The following GPC5 variants were observed in gnomAD, a reference collection of about 807,000 sequenced individuals.
The protein encoded by GPC5 is glypican 5.
In GPC5, 47 loss-of-function variants were observed where a neutral mutation model predicts 53.9. That is an observed-to-expected ratio of 0.87 (90% CI 0.69 to 1.11). The LOEUF is 1.11. Among genes scored for constraint, GPC5 ranks in the 50% most tolerant of loss-of-function variants. GPC5 has a pLI of 0.00. For synonymous variants in GPC5, 286 were observed against 263.3 expected (o/e 1.09, Z -0.84); for missense variants, 748 against 713.1 (o/e 1.05, Z -0.56).
chr13:92,109,571 A>G (rs542028758), intron 6 of GPC5, among the ~76,000 whole-genome samples: 1 of 152,326 alleles, frequency 6.6e-6, no homozygotes, highest in South Asian at 2.1e-4. Flanking sequence ...TCAACAAAAT[A>G]CCAGACTTAT....
chr13:91,647,644 T>C (rs2034594359), intron 2 of GPC5, among the ~76,000 whole-genome samples: 1 of 152,214 alleles, frequency 6.6e-6, no homozygotes, highest in Admixed American at 6.5e-5. Flanking sequence ...GGCTCCAGGC[T>C]GCCCTTACAG....
intron 7 of GPC5, among the ~76,000 whole-genome samples, chr13:92,246,575 A>G (rs2042652291): frequency 6.6e-6 from 1 of 152,020 alleles, no homozygotes; most frequent in African/African-American, 2.4e-5. Flanking sequence ...AGGTGGAAAA[A>G]CTCATCATCA....
chr13:92,597,752 C>T (rs941633342), intron 7 of GPC5, among the ~76,000 whole-genome samples: 11 of 152,214 alleles, frequency 7.2e-5, no homozygotes, highest in African/African-American at 2.7e-4. Context: ...GGAACCAAAA[C>T]TTAATAGGAT....
intron 6 of GPC5, among the ~76,000 whole-genome samples, chr13:92,100,548 G>T (rs2041457974): frequency 6.6e-6 from 1 of 152,158 alleles, no homozygotes; most frequent in Admixed American, 6.5e-5. Flanking sequence ...TATGTAGCAA[G>T]TTTCAGGATT....
intron 7 of GPC5, among the ~76,000 whole-genome samples, chr13:92,439,815 A>G (rs1488417610): frequency 6.6e-6 from 1 of 152,184 alleles, no homozygotes; most frequent in Non-Finnish European, 1.5e-5. Flanking sequence ...TGTAATAGTC[A>G]GCTAGAAGTT....
chr13:92,749,323 T>C (rs931786221), intron 7 of GPC5, among the ~76,000 whole-genome samples: 4 of 152,154 alleles, frequency 2.6e-5, no homozygotes, highest in Non-Finnish European at 5.9e-5. Context: ...CATTGCTAGG[T>C]ATTTTTAATA....
At chr13:92,046,683 A>T (rs1053036056) in intron 6 of GPC5, among the ~76,000 whole-genome samples, 1 of 152,214 alleles carries the variant, frequency 6.6e-6, no homozygotes, top group African/African-American at 2.4e-5. Context: ...ATATCTTATT[A>T]AAAAATCCTA....
rs552261055 is a variant in GPC5, at chr13:92,089,128, G to A, written c.1402-55702G>A. On this transcript the variant is annotated intron_variant, in intron 6 of 7. Transcript: ENST00000377067. Reference sequence around the variant, plus strand: ...AAATGTGTATTGGCTATTGTTCTCAGTTTGGCAAATAAAATTTAAAAATAG... The same window carrying A: ...AAATGTGTATTGGCTATTGTTCTCAATTTGGCAAATAAAATTTAAAAATAG... Among the ~76,000 whole-genome samples, 3 of 152,130 alleles carry A rather than the reference G, an allele frequency of 2.0e-5. No individual in the cohort carries two copies. In the South Asian group the frequency reaches 6.2e-4, roughly 31 times the overall value.
rs183585629 is a variant in GPC5, at chr13:92,408,539, A to G, written c.1561+263550A>G. On this transcript the variant is annotated intron_variant, in intron 7 of 7. Transcript: ENST00000377067. ...GTATTCAATCTATATTTGTGCAGTG[A>G]TAGAATGGCATCTTAGGCCTAGGGA... Among the ~76,000 whole-genome samples, 494 of 152,108 alleles carry G rather than the reference A, an allele frequency of 3.2e-3. 7 individuals are homozygous for G. Among genetic ancestry groups the G allele is most frequent in the South Asian group, 2.3e-3 (11 of 4,818 alleles).
intron 7 of GPC5, among the ~76,000 whole-genome samples, chr13:92,577,418 A>ATGTGTGTGTGTGTGTGTGTGTGTGTG (rs56162097): frequency 5.5e-5 from 8 of 145,346 alleles, no homozygotes; most frequent in Admixed American, 1.4e-4. Flanking sequence ...ATGTATGTAT[A>ATGTGTGTGTGTGTGTGTGTGTGTGTG]TGTGTGTGTG....
At chr13:91,810,703 T>A (rs1383869185) in intron 5 of GPC5, among the ~76,000 whole-genome samples, 3 of 151,930 alleles carry the variant, frequency 2.0e-5, no homozygotes, top group Admixed American at 6.6e-5. Flanking sequence ...GAACCAATTA[T>A]GCTATGTCGT....
chr13:92,180,156 T>G (rs998323753), intron 7 of GPC5, among the ~76,000 whole-genome samples: 1 of 152,324 alleles, frequency 6.6e-6, no homozygotes. Context: ...ACCCAGCTTA[T>G]GCATGAAAAC....
chr13:92,345,151 T>C (rs2139255501), intron 7 of GPC5, among the ~76,000 whole-genome samples: 1 of 152,180 alleles, frequency 6.6e-6, no homozygotes, highest in South Asian at 2.1e-4. Flanking sequence ...AAACATTCAA[T>C]AAATTCAGAA....
chr13:92,176,369 G>A (rs538584170), intron 7 of GPC5, among the ~76,000 whole-genome samples: 1 of 152,186 alleles, frequency 6.6e-6, no homozygotes, highest in South Asian at 2.1e-4. Context: ...ATCTCTCCAG[G>A]CACTGAGACT....
chr13:92,219,078 A>ATG (rs1380851799), intron 7 of GPC5, among the ~76,000 whole-genome samples: 1 of 152,174 alleles, frequency 6.6e-6, no homozygotes, highest in East Asian at 1.9e-4. Flanking sequence ...GTCTGTTTCT[A>ATG]TGTGCTTTCC....
intron 2 of GPC5, among the ~76,000 whole-genome samples, chr13:91,665,648 G>A (rs535640183): frequency 6.6e-6 from 1 of 152,058 alleles, no homozygotes; most frequent in East Asian, 1.9e-4. Flanking sequence ...GACTGCAGGC[G>A]CCCACCACCA....
At chr13:91,939,423 A>G (rs1594675735) in intron 6 of GPC5, among the ~76,000 whole-genome samples, 1 of 152,182 alleles carries the variant, frequency 6.6e-6, no homozygotes, top group East Asian at 1.9e-4. Context: ...TCTAATCTCT[A>G]GGTTGAATTC....
At chr13:92,345,079 A>T (rs1186002980) in intron 7 of GPC5, among the ~76,000 whole-genome samples, 1 of 152,194 alleles carries the variant, frequency 6.6e-6, no homozygotes, top group East Asian at 1.9e-4. Flanking sequence ...TAATATATCA[A>T]GAGAAAAATG....
intron 2 of GPC5, among the ~76,000 whole-genome samples, chr13:91,475,884 G>A (rs978679089): frequency 6.6e-6 from 1 of 152,166 alleles, no homozygotes; most frequent in Admixed American, 6.6e-5. Flanking sequence ...GCTAGAGAAT[G>A]CAGAGTCAGT....
Sources: gnomAD v4.1 joint callset for allele counts (sites outside exome capture counted in the v4.1 genomes callset) on GRCh38, gnomAD v4.1.1 for gene constraint, MANE v1.5 for transcripts, NCBI Gene and HGNC (gene_info 2026-07-23, HGNC 2026-07-21) for gene names.